The following NEURL1 variants were observed in gnomAD, a reference collection of about 807,000 sequenced individuals.
NEURL1 encodes neuralized E3 ubiquitin protein ligase 1.
Under a neutral mutation model 41.2 loss-of-function variants are expected in NEURL1, and 26 were observed. The observed-to-expected ratio is 0.63, with a 90% CI of 0.46 to 0.87. NEURL1 has a LOEUF of 0.87. NEURL1 is among the 40% of genes least tolerant of loss of function. The pLI, the probability that NEURL1 is intolerant of heterozygous loss-of-function variation, is 0.00. For missense variants in NEURL1, 761 were observed against 871.1 expected (o/e 0.87, Z 1.59); for synonymous variants, 400 against 402.3 (o/e 0.99, Z 0.07).
chr10:103,585,166 C>T lies in NEURL1; in HGVS notation c.1280C>T (p.Ser427Leu). 3.1e-6 allele frequency: 5 copies of T among 1,589,038 alleles called. No individual in the cohort carries two copies. Among genetic ancestry groups the T allele is most frequent in the Non-Finnish European group, 4.3e-6 (5 of 1,173,344 alleles). The change falls in exon 4 of 6, where the codon TCG (serine) becomes TTG (leucine). Residue 427 changes from serine (S) to leucine (L), a missense_variant. This residue lies in a region of NEURL1 where 443 missense variants were observed against 408.1 expected (regional missense o/e 1.09). Coordinates refer to ENST00000369780, the MANE Select transcript of NEURL1 (RefSeq NM_004210.5). ...GGCATGCAGCTGTGCGTGGACGCCT[C>T]GCAGCCGCTTTGGATGCTCTTCGGC... ...AAGMQLCVDA[S>L]QPLWMLFGLH...
At chr10:103,501,618 T>TTTATTTTTATTATTATTATTATTA (rs1554888031) in intron 1 of NEURL1, among the ~76,000 whole-genome samples, 2 of 142,596 alleles carry the variant, frequency 1.4e-5, no homozygotes, top group African/African-American at 5.2e-5. Context: ...TCCCACTTTA[T>TTTATTTTTATTATTATTATTATTA]TTATTATTAT....
intron 1 of NEURL1, among the ~76,000 whole-genome samples, chr10:103,522,534 G>A (rs1192492017): frequency 6.6e-6 from 1 of 150,862 alleles, no homozygotes; most frequent in Non-Finnish European, 1.5e-5. Context: ...CCCGGGAGGT[G>A]GAGGTTGCGG....
At chr10:103,568,511 C>T (rs2133876215) in intron 1 of NEURL1, among the ~76,000 whole-genome samples, 1 of 152,322 alleles carries the variant, frequency 6.6e-6, no homozygotes, top group South Asian at 2.1e-4. Flanking sequence ...AGGCTGTCAT[C>T]AGCAGCTGGG....
intron 1 of NEURL1, among the ~76,000 whole-genome samples, chr10:103,539,645 A>C (rs1487364507): frequency 6.6e-6 from 1 of 152,208 alleles, no homozygotes; most frequent in African/African-American, 2.4e-5. Context: ...TAAGGGCATC[A>C]ATCAGAATGT....
Position 103,571,703 on chromosome 10 carries a change from G to T in NEURL1, c.530G>T (p.Arg177Leu). 1 of 1,614,210 alleles carries T rather than the reference G, an allele frequency of 6.2e-7. No individual in the cohort carries two copies. Among genetic ancestry groups the T allele is most frequent in the Non-Finnish European group, 8.5e-7 (1 of 1,180,016 alleles). ...GCATTCTGGGTGGACAAGAAGGGCC[G>T]TGTCTTCCACCGCATCAACGACTCG... ...IIAFWVDKKG[R>L]VFHRINDSAV... is the part of the protein sequence containing the mutation. Residue 177 changes from arginine to leucine, a missense_variant, in exon 3 of 6, where the codon CGT (arginine) becomes CTT (leucine). Coordinates refer to ENST00000369780, the MANE Select transcript of NEURL1 (RefSeq NM_004210.5).
At chr10:103,522,975 G>T (rs551294174) in intron 1 of NEURL1, among the ~76,000 whole-genome samples, 1 of 152,050 alleles carries the variant, frequency 6.6e-6, no homozygotes, top group African/African-American at 2.4e-5. Flanking sequence ...TAATTTGACA[G>T]TATTTTTTAG....
chr10:103,584,283 C>G (rs1157692725), intron 3 of NEURL1, among the ~76,000 whole-genome samples: 1 of 152,206 alleles, frequency 6.6e-6, no homozygotes, highest in African/African-American at 2.4e-5. Flanking sequence ...ATGCATATAG[C>G]AAGCACCTGT....
chr10:103,559,486 G>T (rs2035235297), intron 1 of NEURL1, among the ~76,000 whole-genome samples: 1 of 152,102 alleles, frequency 6.6e-6, no homozygotes, highest in Non-Finnish European at 1.5e-5. Flanking sequence ...AGGGGTGGGT[G>T]GGGTAGCCAT....
At chr10:103,519,750 A>C (rs2034302430) in intron 1 of NEURL1, among the ~76,000 whole-genome samples, 1 of 147,604 alleles carries the variant, frequency 6.8e-6, no homozygotes, top group African/African-American at 2.5e-5. Context: ...AAACTCTACT[A>C]CCATCACCAG....
At chr10:103,533,635 C>T (rs2034623018) in intron 1 of NEURL1, among the ~76,000 whole-genome samples, 1 of 152,062 alleles carries the variant, frequency 6.6e-6, no homozygotes. Context: ...CTCCTGGGTT[C>T]ACACCATTCT....
chr10:103,569,269 A>G (rs922128307), intron 1 of NEURL1, among the ~76,000 whole-genome samples: 2 of 152,218 alleles, frequency 1.3e-5, no homozygotes, highest in Non-Finnish European at 2.9e-5. Context: ...TTTCACTCAC[A>G]TCGTTATTTT....
chr10:103,541,714 T>C (rs891302987), intron 1 of NEURL1, among the ~76,000 whole-genome samples: 9 of 152,114 alleles, frequency 5.9e-5, no homozygotes, highest in African/African-American at 1.9e-4. Context: ...GTGAGGGACA[T>C]GAGAAGGTGA....
chr10:103,570,735 A>G (rs2035521981), intron 1 of NEURL1, 137 bp from the exon 2 acceptor site: 1 of 1,400,876 alleles, frequency 7.1e-7, no homozygotes, highest in Non-Finnish European at 9.7e-7. Context: ...GATGGTGGCA[A>G]GGGGTGGCGG....
chr10:103,560,117 A>T (rs1489512761), intron 1 of NEURL1, among the ~76,000 whole-genome samples: 1 of 152,146 alleles, frequency 6.6e-6, no homozygotes, highest in Non-Finnish European at 1.5e-5. Flanking sequence ...AGCCCTGCAC[A>T]TTGGTTGTGT....
Position 103,590,863 on chromosome 10 carries a change from A to G in NEURL1, c.*491A>G, listed in dbSNP as rs373319795. ...CCCTCTCAGCCAACTGCCCTTGAGCAGTGTACAGCCTGCTCAACAACCGCC... is the reference window on the plus strand; with the variant it reads ...CCCTCTCAGCCAACTGCCCTTGAGCGGTGTACAGCCTGCTCAACAACCGCC... On this transcript the variant is annotated 3_prime_UTR_variant, in exon 6 of 6. Transcript: ENST00000369780. 87 of 183,558 alleles carry G rather than the reference A, an allele frequency of 4.7e-4. No individual in the cohort carries two copies. Among genetic ancestry groups the G allele is most frequent in the East Asian group, 3.7e-3 (26 of 7,070 alleles). The allele number at this position is 183,558 out of a possible 1,614,324, so 11.4% of individuals were successfully genotyped here. A position where few individuals can be genotyped will look rare whatever the true frequency, so the allele number is the denominator to read the frequency against.
intron 1 of NEURL1, among the ~76,000 whole-genome samples, chr10:103,500,584 C>CA (rs1244126115): frequency 6.6e-6 from 1 of 152,198 alleles, no homozygotes; most frequent in Non-Finnish European, 1.5e-5. Context: ...AAAGGGCACA[C>CA]AATGGGGTTC....
chr10:103,573,209 A>T (rs1003431642), intron 3 of NEURL1, among the ~76,000 whole-genome samples: 1 of 152,118 alleles, frequency 6.6e-6, no homozygotes, highest in East Asian at 1.9e-4. Flanking sequence ...ACTCACAATG[A>T]CATGTTAAGA....
chr10:103,588,946 A>G (rs1470137589), intron 4 of NEURL1: 2 of 302,124 alleles, frequency 6.6e-6, no homozygotes, highest in Non-Finnish European at 6.7e-6. Context: ...CCGTCTGAAA[A>G]AAAAAAAAAA....
chr10:103,534,402 G>A (rs2034648589), intron 1 of NEURL1, among the ~76,000 whole-genome samples: 1 of 152,078 alleles, frequency 6.6e-6, no homozygotes, highest in Admixed American at 6.6e-5. Context: ...TTTTAGAATG[G>A]CTTTTGTAGA....
Sources: gnomAD v4.1 joint callset for allele counts (sites outside exome capture counted in the v4.1 genomes callset) on GRCh38, gnomAD v4.1.1 for gene constraint, gnomAD v4.1.1 regional missense constraint, MANE v1.5 for transcripts, NCBI Gene and HGNC (gene_info 2026-07-23, HGNC 2026-07-21) for gene names.